Variants in PAPOLG observed in about 807,000 individuals in gnomAD.
PAPOLG encodes PAP-gamma.
A neutral mutation model predicts 99.0 loss-of-function variants in PAPOLG; 40 were observed. The ratio of observed to expected loss-of-function variants is 0.40; its 90% CI spans 0.31 to 0.53. The LOEUF is 0.53. Among genes scored for constraint, PAPOLG ranks in the 20% least tolerant of loss-of-function variants. The pLI is 0.41. For missense variants in PAPOLG, 675 were observed against 884.1 expected, an observed-to-expected ratio of 0.76 and a Z score of 3.00; for synonymous variants, 310 against 299.3, an observed-to-expected ratio of 1.04 and a Z score of -0.37.
Position 60,797,341 on chromosome 2 carries a change from C to T in PAPOLG, c.*181C>T. The T allele has an allele frequency of 1.5e-6, 1 of 674,580 alleles. No homozygotes were observed. The highest frequency in any genetic ancestry group is 2.5e-6 in the Non-Finnish European group (1 of 400,420). 41.8% of individuals were successfully genotyped at this position (674,580 alleles called of 1,614,324 possible). ...TTTGACCTGTAGATGCTGTAGCATT[C>T]TCTCACTGATTGCTACATACACTTC... On this transcript the variant is annotated 3_prime_UTR_variant, in exon 22 of 22. Transcript: ENST00000238714.
intron 13 of PAPOLG, 175 bp from the exon 14 acceptor site, chr2:60,786,772 C>G (rs940455441): frequency 2.0e-5 from 5 of 248,336 alleles, no homozygotes; most frequent in African/African-American, 4.6e-5. Flanking sequence ...TCAGGCGATT[C>G]ACCCACTCTT....
intron 13 of PAPOLG, among the ~76,000 whole-genome samples, chr2:60,784,385 C>T (rs937495964): frequency 6.6e-6 from 1 of 152,150 alleles, no homozygotes; most frequent in Non-Finnish European, 1.5e-5. Flanking sequence ...ATTAAGCTTC[C>T]GTCAACAGGT....
intron 1 of PAPOLG, among the ~76,000 whole-genome samples, chr2:60,756,700 C>T (rs1188876222): frequency 6.6e-6 from 1 of 152,136 alleles, no homozygotes; most frequent in African/African-American, 2.4e-5. Flanking sequence ...GACTCGGGGA[C>T]TCCGGGAGTC....
In PAPOLG at chr2:60,799,301, C is replaced by T. The variant is rs1401991547; in HGVS notation, c.*2141C>T. The T allele has an allele frequency of 6.6e-6, 1 of 152,326 alleles. No homozygotes were observed. Among genetic ancestry groups the T allele is most frequent in the East Asian group, 1.9e-4 (1 of 5,338 alleles). 9.4% of individuals were successfully genotyped at this position (152,326 alleles called of 1,614,324 possible). ...TTTAATAAGGAAGCAACAAGTCTAACCTTGTACTATAGGATAGGCATTTAT... is the reference window on the plus strand; with the variant it reads ...TTTAATAAGGAAGCAACAAGTCTAATCTTGTACTATAGGATAGGCATTTAT... On this transcript the variant is annotated 3_prime_UTR_variant, in exon 22 of 22. Coordinates refer to ENST00000238714, the MANE Select transcript of PAPOLG (RefSeq NM_022894.4).
chr2:60,798,438 C>T lies in PAPOLG; in HGVS notation c.*1278C>T, dbSNP rs1410017883. The T allele has an allele frequency of 6.6e-6, 1 of 152,552 alleles. No homozygotes were observed. Among genetic ancestry groups the T allele is most frequent in the Non-Finnish European group, 1.5e-5 (1 of 68,000 alleles). The allele number at this position is 152,552 out of a possible 1,614,324, so 9.4% of individuals were successfully genotyped here. On this transcript the variant is annotated 3_prime_UTR_variant, in exon 22 of 22. Transcript: ENST00000238714. ...TATTTTTGTATGTACTGTAAGATAC[C>T]ATCTTTTCAAAGAGAAACGTTTAAA...
At chr2:60,766,418 C>G (rs1338636948) in intron 3 of PAPOLG, among the ~76,000 whole-genome samples, 1 of 152,126 alleles carries the variant, frequency 6.6e-6, no homozygotes, top group Non-Finnish European at 1.5e-5. Context: ...GATCCCAGCA[C>G]TTTGGGAGGC....
chr2:60,778,307 C>T (rs547143566), intron 8 of PAPOLG, among the ~76,000 whole-genome samples: 4 of 142,870 alleles, frequency 2.8e-5, no homozygotes, highest in South Asian at 4.4e-4. Context: ...CCACTACACC[C>T]GGCTAATTTT....
At chr2:60,786,152 A>C (rs564808342) in intron 13 of PAPOLG, among the ~76,000 whole-genome samples, 2 of 152,062 alleles carry the variant, frequency 1.3e-5, no homozygotes, top group Non-Finnish European at 2.9e-5. Context: ...TTTCATATTT[A>C]AAGTTGATAT....
At chr2:60,795,552 G>C (rs1488450397) in intron 21 of PAPOLG, among the ~76,000 whole-genome samples, 1 of 151,914 alleles carries the variant, frequency 6.6e-6, no homozygotes, top group Non-Finnish European at 1.5e-5. Flanking sequence ...AGTGTGGTAT[G>C]CTAAAAAGCA....
intron 13 of PAPOLG, among the ~76,000 whole-genome samples, chr2:60,783,797 C>T (rs1671275098): frequency 6.6e-6 from 1 of 151,882 alleles, no homozygotes; most frequent in South Asian, 2.1e-4. Context: ...TGTGCATGAC[C>T]ATGGAGCTTC....
intron 15 of PAPOLG, among the ~76,000 whole-genome samples, chr2:60,790,090 A>G (rs1429935597): frequency 2.6e-5 from 4 of 152,206 alleles, no homozygotes; most frequent in Admixed American, 1.3e-4. Context: ...GCGAAACTCC[A>G]TCTCAAAAAA....
At position 60,779,604 on chromosome 2, in the gene PAPOLG, T is replaced by C. The variant is rs757955325; in HGVS notation, c.695-33T>C. 7 of 1,591,176 alleles carry C rather than the reference T, an allele frequency of 4.4e-6. No homozygotes were observed. The African/African-American group carries it at 9.4e-5, about 21-fold the overall frequency. On this transcript the variant is annotated intron_variant, in intron 8 of 21. Transcript: ENST00000238714. ...AAAGAATGTCACAGATAGTAGGTCC[T>C]AATAATAATTAACAAATATATTGAT...
chr2:60,763,686 T>G (rs188516316), intron 3 of PAPOLG, among the ~76,000 whole-genome samples: 2 of 151,428 alleles, frequency 1.3e-5, no homozygotes, highest in African/African-American at 4.9e-5. Context: ...ATATTTTTAG[T>G]AGAGACGGGG....
intron 13 of PAPOLG, among the ~76,000 whole-genome samples, chr2:60,786,318 C>A (rs1467361220): frequency 1.3e-5 from 2 of 152,084 alleles, no homozygotes; most frequent in African/African-American, 4.8e-5. Context: ...GCAACCTCCA[C>A]CTCCCAGCTT....
At chr2:60,772,364 C>G (rs1670878096) in intron 7 of PAPOLG, among the ~76,000 whole-genome samples, 1 of 151,196 alleles carries the variant, frequency 6.6e-6, no homozygotes, top group South Asian at 2.1e-4. Context: ...AGAGGATCAC[C>G]TGAGCCCCCG....
intron 3 of PAPOLG, among the ~76,000 whole-genome samples, chr2:60,767,230 T>TTTTGCTTGC (rs564962329): frequency 9.3e-4 from 142 of 152,296 alleles, no homozygotes; most frequent in African/African-American, 3.3e-3. Flanking sequence ...GGAAGAATTT[T>TTTTGCTTGC]TTTGCTTGCT....
intron 21 of PAPOLG, among the ~76,000 whole-genome samples, chr2:60,796,048 G>C (rs1018448527): frequency 1.3e-5 from 2 of 151,920 alleles, no homozygotes; most frequent in South Asian, 4.2e-4. Context: ...TTATTGCCCT[G>C]GTGTCTACTT....
At chr2:60,768,683 C>T (rs1670758718) in intron 4 of PAPOLG, 98 bp from the exon 5 acceptor site, 1 of 1,351,492 alleles carries the variant, frequency 7.4e-7, no homozygotes, top group Non-Finnish European at 1.0e-6. Flanking sequence ...TTCTTGTACT[C>T]AACTTCCATA....
In PAPOLG at chr2:60,779,489, AG is replaced by A. The variant is rs1441479829; in HGVS notation, c.695-144del. 6.2e-6 allele frequency: 5 copies of A among 802,494 alleles called. No individual in the cohort carries two copies. The African/African-American group carries it at 8.7e-5, about 14-fold the overall frequency. 49.7% of individuals were successfully genotyped at this position (802,494 alleles called of 1,614,324 possible). A position where few individuals can be genotyped will look rare whatever the true frequency, so the allele number is the denominator to read the frequency against. On this transcript the variant is annotated intron_variant, in intron 8 of 21. Coordinates refer to ENST00000238714, the MANE Select transcript of PAPOLG (RefSeq NM_022894.4). ...TTATCAGTTTTAATGTTTTGTTTATAGGGGAAAATTTCCAACCAACCGTCTT... is the reference window on the plus strand; with the variant it reads ...TTATCAGTTTTAATGTTTTGTTTATAGGGAAAATTTCCAACCAACCGTCTT...
Sources: allele counts gnomAD v4.1 joint callset (sites outside exome capture counted in the v4.1 genomes callset), GRCh38; gene constraint gnomAD v4.1.1; transcripts MANE v1.5; gene names NCBI Gene and HGNC (gene_info 2026-07-23, HGNC 2026-07-21).